INO80C: variants seen among roughly 807,000 people sequenced by gnomAD.
INO80C encodes IES6 homolog.
Under a neutral mutation model 17.7 loss-of-function variants are expected in INO80C, and 17 were observed. The observed-to-expected ratio is 0.96, with a 90% CI of 0.66 to 1.44. The LOEUF is 1.44. INO80C is among the 40% of genes most tolerant of loss of function. The pLI, the probability that INO80C is intolerant of heterozygous loss-of-function variation, is 0.00. For missense variants in INO80C, 244 were observed against 245.0 expected, an observed-to-expected ratio of 1.00 and a Z score of 0.03; for synonymous variants, 96 against 95.8, an observed-to-expected ratio of 1.00 and a Z score of -0.01.
At chr18:35,479,517 C>G in intron 2 of INO80C, 106 bp from the exon 3 acceptor site, 1 of 683,332 alleles carries the variant, frequency 1.5e-6, no homozygotes. Context: ...TCTCATCTGT[C>G]AACAATCATT....
At chr18:35,497,255 G>C in intron 1 of INO80C, 1 of 840,276 alleles carries the variant, frequency 1.2e-6, no homozygotes, top group African/African-American at 1.8e-5. Context: ...GGGAAACCCA[G>C]GGTCAAAAAA....
At chr18:35,482,417 G>A (rs1158562169) in intron 1 of INO80C, among the ~76,000 whole-genome samples, 1 of 152,122 alleles carries the variant, frequency 6.6e-6, no homozygotes, top group Admixed American at 6.6e-5. Context: ...ATTCATTCAT[G>A]TTGGGGGAAG....
chr18:35,488,320 C>T (rs1385699490), intron 1 of INO80C, among the ~76,000 whole-genome samples: 1 of 152,230 alleles, frequency 6.6e-6, no homozygotes, highest in African/African-American at 2.4e-5. Flanking sequence ...CCTGCCCCTG[C>T]AGCAAACTTT....
At chr18:35,469,270 G>C (rs1369094067) in intron 4 of INO80C, among the ~76,000 whole-genome samples, 1 of 152,132 alleles carries the variant, frequency 6.6e-6, no homozygotes, top group African/African-American at 2.4e-5. Flanking sequence ...CCTTCCCCTA[G>C]AACTGCGGCC....
In INO80C at chr18:35,497,776, G is replaced by A. The variant is rs536340997; in HGVS notation, c.99C>T (p.Ser33=). ...RPASPSHNGS[S]GGGYGASKKK... is the part of the protein sequence containing the mutation. ...TCTTACTGGCGCCATAGCCCCCGCCGCTGCTGCCATTGTGGGAAGGGCTGG... is the reference window on the plus strand; with the variant it reads ...TCTTACTGGCGCCATAGCCCCCGCCACTGCTGCCATTGTGGGAAGGGCTGG... The change falls in exon 1 of 5, where the codon AGC becomes AGT. Residue 33 remains serine, a synonymous_variant. Transcript: ENST00000334598. 9.9e-6 allele frequency: 16 copies of A among 1,612,886 alleles called. No individual in the cohort carries two copies. In the South Asian group the frequency reaches 1.5e-4, roughly 16 times the overall value.
chr18:35,475,813 G>A (rs2045729017), intron 4 of INO80C, among the ~76,000 whole-genome samples: 1 of 152,116 alleles, frequency 6.6e-6, no homozygotes, highest in Admixed American at 6.5e-5. Context: ...ATTGCAACTT[G>A]GAAATAGACA....
chr18:35,490,119 G>C (rs1301837640), intron 1 of INO80C, among the ~76,000 whole-genome samples: 1 of 152,174 alleles, frequency 6.6e-6, no homozygotes, highest in Non-Finnish European at 1.5e-5. Flanking sequence ...AGGGCAGGAA[G>C]GGTGACAAGT....
intron 1 of INO80C, among the ~76,000 whole-genome samples, chr18:35,489,808 A>C (rs1419558371): frequency 1.3e-5 from 2 of 152,060 alleles, no homozygotes; most frequent in Non-Finnish European, 2.9e-5. Context: ...ATCTCTCCTC[A>C]CTACCTTCCC....
At chr18:35,472,289 G>T (rs982199795) in intron 4 of INO80C, among the ~76,000 whole-genome samples, 1 of 152,070 alleles carries the variant, frequency 6.6e-6, no homozygotes, top group African/African-American at 2.4e-5. Context: ...TTGAATGATC[G>T]CCATTCTAAC....
intron 1 of INO80C, among the ~76,000 whole-genome samples, chr18:35,484,105 G>T (rs1006852815): frequency 6.6e-6 from 1 of 152,110 alleles, no homozygotes; most frequent in Non-Finnish European, 1.5e-5. Context: ...CAAGGTTAAA[G>T]GCCAAAAAGA....
At chr18:35,494,425 T>C (rs956990110) in intron 1 of INO80C, among the ~76,000 whole-genome samples, 9 of 152,206 alleles carry the variant, frequency 5.9e-5, no homozygotes, top group African/African-American at 2.2e-4. Flanking sequence ...ATCACATAAA[T>C]CTTTTAAATC....
intron 1 of INO80C, among the ~76,000 whole-genome samples, chr18:35,488,310 C>T (rs1363454760): frequency 6.6e-6 from 1 of 152,184 alleles, no homozygotes; most frequent in Non-Finnish European, 1.5e-5. Flanking sequence ...CTGTAAGGGC[C>T]CTGCCCCTGC....
chr18:35,474,770 A>G (rs551022339), intron 4 of INO80C, among the ~76,000 whole-genome samples: 1 of 152,332 alleles, frequency 6.6e-6, no homozygotes, highest in South Asian at 2.1e-4. Flanking sequence ...CAGAAATTAA[A>G]AACACAATTA....
chr18:35,468,790 G>C (rs148896668), intron 4 of INO80C, 48 bp from the exon 5 acceptor site: 2 of 1,559,582 alleles, frequency 1.3e-6, no homozygotes, highest in Non-Finnish European at 1.8e-6. Context: ...TTGCTGGTAG[G>C]GATATTTTAA....
intron 1 of INO80C, chr18:35,487,892 C>T (rs921830092): frequency 6.6e-6 from 1 of 152,132 alleles, no homozygotes; most frequent in African/African-American, 2.4e-5. Context: ...ATAAATACAC[C>T]CATTCCAAAT....
intron 1 of INO80C, among the ~76,000 whole-genome samples, chr18:35,488,067 GC>G (rs1283413731): frequency 6.6e-6 from 1 of 152,202 alleles, no homozygotes; most frequent in Non-Finnish European, 1.5e-5. Context: ...GGGCAGCTCT[GC>G]CCCTGTGGCT....
intron 2 of INO80C, among the ~76,000 whole-genome samples, chr18:35,480,073 C>T (rs934061446): frequency 3.3e-5 from 5 of 152,110 alleles, no homozygotes; most frequent in African/African-American, 1.2e-4. Flanking sequence ...CTGTGTTCTA[C>T]TCCACAGCAC....
In INO80C at chr18:35,481,833, G is replaced by A. The variant is rs150881173; in HGVS notation, c.157-1270C>T. On this transcript the variant is annotated intron_variant, in intron 1 of 4. Transcript: ENST00000334598. Reference sequence around the variant, plus strand: ...TGGGAGGCGGAGGCTGCAGTGAGCCGAGATCATGCCACTGCACTCCAGCCT... The same window carrying A: ...TGGGAGGCGGAGGCTGCAGTGAGCCAAGATCATGCCACTGCACTCCAGCCT... 0.013 allele frequency among the ~76,000 whole-genome samples: 2,030 copies of A among 152,210 alleles called. 144 individuals are homozygous for A. The East Asian group carries it at 0.22, about 16-fold the overall frequency.
intron 4 of INO80C, among the ~76,000 whole-genome samples, chr18:35,472,301 G>A (rs1293649844): frequency 6.6e-6 from 1 of 152,172 alleles, no homozygotes; most frequent in African/African-American, 2.4e-5. Context: ...CATTCTAACT[G>A]GTGTGAGATG....
Sources: gnomAD v4.1 joint callset for allele counts (sites outside exome capture counted in the v4.1 genomes callset) on GRCh38, gnomAD v4.1.1 for gene constraint, MANE v1.5 for transcripts, NCBI Gene and HGNC (gene_info 2026-07-23, HGNC 2026-07-21) for gene names.